LARGE1: variants seen among roughly 807,000 people sequenced by gnomAD.
LARGE1 encodes xylosyl- and glucuronyltransferase LARGE1.
In LARGE1, 43 loss-of-function variants were observed where a neutral mutation model predicts 87.6. That is an observed-to-expected ratio of 0.49 (90% CI 0.38 to 0.63). The LOEUF is 0.63. Ranked by LOEUF, LARGE1 falls within the 30% of genes least tolerant of loss-of-function variation. The probability of loss-of-function intolerance (pLI) is 0.00; values close to 1 mark genes in which losing one functional copy is unlikely to be tolerated. For synonymous variants in LARGE1, 434 were observed against 394.6 expected (o/e 1.10, Z -1.18); for missense variants, 802 against 1,000.2 (o/e 0.80, Z 2.67).
rs571812242 is a variant in LARGE1, at chr22:33,277,020, C to T, written c.2073+40G>A. On this transcript the variant is annotated intron_variant, in intron 14 of 14. Coordinates refer to ENST00000397394, the MANE Select transcript of LARGE1 (RefSeq NM_133642.5). The stretch of plus-strand genomic sequence containing the variant: ...TTAAGCTCTAGGATCTAGGCCTCTC[C>T]CCCGTCGACCATACCAGGTGGATGC... 106 of 1,590,438 alleles carry T rather than the reference C, an allele frequency of 6.7e-5. No homozygotes were observed. The South Asian group carries it at 1.0e-3, about 15-fold the overall frequency.
At chr22:33,724,372 A>G (rs1177961206) in intron 2 of LARGE1, 1 of 152,420 alleles carries the variant, frequency 6.6e-6, no homozygotes, top group Non-Finnish European at 1.5e-5. Flanking sequence ...TGAAGGACTA[A>G]GTCCCATAAT....
chr22:33,066,787 G>A, the LARGE1 span, among the ~76,000 whole-genome samples: 2 of 152,196 alleles, frequency 1.3e-5, no homozygotes, highest in East Asian at 3.9e-4. Context: ...TAGACAACTG[G>A]CTTTAAATTT....
intron 11 of LARGE1, among the ~76,000 whole-genome samples, chr22:33,184,575 G>T (rs1468629775): frequency 6.6e-6 from 1 of 151,024 alleles, no homozygotes; most frequent in African/African-American, 2.4e-5. Context: ...TAAAACAGAA[G>T]CAAATTAGGA....
At chr22:33,344,993 A>C (rs572374396) in intron 9 of LARGE1, among the ~76,000 whole-genome samples, 17 of 152,314 alleles carry the variant, frequency 1.1e-4, no homozygotes, top group Non-Finnish European at 2.2e-4. Context: ...GATTTTTGTA[A>C]GGAGCTGATA....
intron 14 of LARGE1, among the ~76,000 whole-genome samples, chr22:33,276,112 G>T (rs1929228369): frequency 6.6e-6 from 1 of 152,010 alleles, no homozygotes; most frequent in African/African-American, 2.4e-5. Context: ...CCAGCGCTCA[G>T]TATCCAACCT....
intron 1 of LARGE1, among the ~76,000 whole-genome samples, chr22:33,884,665 C>A (rs2064794019): frequency 6.6e-6 from 1 of 152,232 alleles, no homozygotes; most frequent in Non-Finnish European, 1.5e-5. Context: ...GGGCCGGCAA[C>A]CCCGCCTTTA....
intron 7 of LARGE1, among the ~76,000 whole-genome samples, chr22:33,402,438 G>T (rs1487769928): frequency 6.6e-6 from 1 of 152,068 alleles, no homozygotes; most frequent in Non-Finnish European, 1.5e-5. Context: ...GACTAATTTG[G>T]GAATGACAGC....
rs41282599 is a variant in LARGE1, at chr22:33,274,722, C to G, written c.2074-98G>C. The stretch of plus-strand genomic sequence containing the variant: ...GATTGAATGGCTAGTGAATGAATGA[C>G]TTGATAATGGCACCCACAAGCAGAT... On this transcript the variant is annotated intron_variant, in intron 14 of 14. Transcript: ENST00000397394. The G allele has an allele frequency of 0.013, 13,720 of 1,072,684 alleles. 102 individuals are homozygous for G. Among genetic ancestry groups the G allele is most frequent in the Non-Finnish European group, 0.016 (11,297 of 697,194 alleles). The allele number at this position is 1,072,684 out of a possible 1,614,324, so 66.4% of individuals were successfully genotyped here. A position where few individuals can be genotyped will look rare whatever the true frequency, so the allele number is the denominator to read the frequency against.
intron 11 of LARGE1, among the ~76,000 whole-genome samples, chr22:33,306,873 A>AG (rs1417398444): frequency 6.6e-6 from 1 of 151,878 alleles, no homozygotes; most frequent in Non-Finnish European, 1.5e-5. Context: ...AAAAAAAAAA[A>AG]AAAAAGAATA....
At chr22:33,352,288 T>C (rs971646740) in intron 9 of LARGE1, among the ~76,000 whole-genome samples, 14 of 152,152 alleles carry the variant, frequency 9.2e-5, no homozygotes, top group Non-Finnish European at 1.8e-4. Context: ...CACAAAACTA[T>C]TGAGGTCAGT....
At chr22:33,521,142 A>G (rs1430309450) in intron 6 of LARGE1, among the ~76,000 whole-genome samples, 1 of 152,248 alleles carries the variant, frequency 6.6e-6, no homozygotes, top group East Asian at 1.9e-4. Context: ...CAGTAAAAAG[A>G]GAACACAGTG....
rs112943092 is a variant in LARGE1, at chr22:33,403,880, G to A, written c.893-19576C>T. On this transcript the variant is annotated intron_variant, in intron 7 of 14. Coordinates refer to ENST00000397394, the MANE Select transcript of LARGE1 (RefSeq NM_133642.5). ...CCCAAAGCGTTGGGATTACAGGCGT[G>A]AGCCACCGCGCCCGGCCCATACTAG... is the stretch of plus-strand genomic sequence containing the variant. Among the ~76,000 whole-genome samples, 856 of 152,276 alleles carry A rather than the reference G, an allele frequency of 5.6e-3. 3 individuals carry two copies. The highest frequency in any genetic ancestry group is 0.02 in the African/African-American group (812 of 41,558).
At chr22:33,243,609 T>C (rs535477756) in intron 11 of LARGE1, among the ~76,000 whole-genome samples, 2 of 152,362 alleles carry the variant, frequency 1.3e-5, no homozygotes, top group East Asian at 3.9e-4. Flanking sequence ...AGAATTTCAC[T>C]TCATAAATAT....
At chr22:33,309,644 A>G (rs1935343216) in intron 11 of LARGE1, among the ~76,000 whole-genome samples, 1 of 152,212 alleles carries the variant, frequency 6.6e-6, no homozygotes, top group Admixed American at 6.5e-5. Flanking sequence ...TCCATTGTTC[A>G]TATATCAAAT....
At chr22:33,629,925 G>A (rs1244394756) in intron 3 of LARGE1, among the ~76,000 whole-genome samples, 3 of 152,158 alleles carry the variant, frequency 2.0e-5, no homozygotes, top group Non-Finnish European at 4.4e-5. Context: ...TTTGCTGTGC[G>A]CGGTGACTCA....
At chr22:33,641,528 G>T (rs1420097872) in intron 3 of LARGE1, among the ~76,000 whole-genome samples, 1 of 152,230 alleles carries the variant, frequency 6.6e-6, no homozygotes, top group African/African-American at 2.4e-5. Context: ...GATGGAGAAT[G>T]AGTTTGACCA....
intron 12 of LARGE1, among the ~76,000 whole-genome samples, chr22:33,293,043 G>C (rs890085568): frequency 6.6e-6 from 1 of 151,992 alleles, no homozygotes; most frequent in Non-Finnish European, 1.5e-5. Context: ...AGTGTAGGGA[G>C]GGAGGAAGAC....
At chr22:33,786,601 C>G (rs574849543) in intron 1 of LARGE1, among the ~76,000 whole-genome samples, 47 of 152,362 alleles carry the variant, frequency 3.1e-4, no homozygotes, top group Middle Eastern at 3.4e-3. Flanking sequence ...CTCCTCCCTT[C>G]AGAGCCTCCC....
intron 11 of LARGE1, among the ~76,000 whole-genome samples, chr22:33,306,980 C>T (rs1401892159): frequency 6.6e-6 from 1 of 152,188 alleles, no homozygotes; most frequent in Admixed American, 6.5e-5. Context: ...TGTGGAACCT[C>T]CACAAGCGAG....
Sources: allele counts gnomAD v4.1 joint callset (sites outside exome capture counted in the v4.1 genomes callset), GRCh38; gene constraint gnomAD v4.1.1; transcripts MANE v1.5; gene names NCBI Gene and HGNC (gene_info 2026-07-23, HGNC 2026-07-21).